Variants in PTPRN2 observed in about 807,000 individuals in gnomAD.
PTPRN2 encodes the protein protein tyrosine phosphatase receptor type N2.
Under a neutral mutation model 118.8 loss-of-function variants are expected in PTPRN2, and 74 were observed. That is an observed-to-expected ratio of 0.62 (90% confidence interval 0.52 to 0.76). The LOEUF (loss-of-function observed/expected upper bound fraction) is 0.76. Ranked by LOEUF, PTPRN2 falls within the 30% of genes least tolerant of loss-of-function variation. PTPRN2 has a pLI of 0.00. For missense variants in PTPRN2, 1,481 were observed against 1,394.4 expected (o/e 1.06, Z -0.99); for synonymous variants, 641 against 608.0 (o/e 1.05, Z -0.80).
At chr7:158,338,156 T>TCAC (rs1806054532) in intron 2 of PTPRN2, among the ~76,000 whole-genome samples, 1 of 18,090 alleles carries the variant, frequency 5.5e-5, no homozygotes, top group African/African-American at 2.5e-4. Context: ...CCCGCAGACG[T>TCAC]TACTCACACC....
chr7:157,911,865 C>T (rs1245145727), intron 11 of PTPRN2, among the ~76,000 whole-genome samples: 2 of 152,116 alleles, frequency 1.3e-5, no homozygotes, highest in African/African-American at 4.8e-5. Context: ...CCGTCTTCTG[C>T]TAACCCTGTG....
chr7:158,246,562 G>A lies in PTPRN2; in HGVS notation c.278-41289C>T, dbSNP rs975430892. ...GTGGGTGGTCATTGTCCTTGTCCAC[G>A]GGATTTTTCAAAGTAGGACAATCTG... On this transcript the variant is annotated intron_variant, in intron 3 of 22. Transcript: ENST00000389418. Among the ~76,000 whole-genome samples the A allele has an allele frequency of 7.3e-5, 11 of 151,348 alleles. 2 individuals are homozygous for A. The highest frequency in any genetic ancestry group is 5.3e-4 in the Admixed American group (8 of 15,194).
At position 157,764,043 on chromosome 7, in the gene PTPRN2, G is replaced by C. The variant is rs558857949; in HGVS notation, c.1789-81106C>G. Among the ~76,000 whole-genome samples the C allele has an allele frequency of 6.6e-6, 1 of 152,298 alleles. No homozygotes were observed. The highest frequency in any genetic ancestry group is 2.4e-5 in the African/African-American group (1 of 41,560). On this transcript the variant is annotated intron_variant, in intron 12 of 22. Transcript: ENST00000389418. This position sits in a 1 kb window ranked among gnomAD's most constrained non-coding sequence, Gnocchi z 4.5. ...GCATGTGGAGGCTAGGAGAGGCCAT[G>C]CACGCACCCTCTAGGATGGCCGTAA... is the stretch of plus-strand genomic sequence containing the variant.
At chr7:158,091,234 G>A (rs1814094359) in intron 10 of PTPRN2, among the ~76,000 whole-genome samples, 1 of 152,188 alleles carries the variant, frequency 6.6e-6, no homozygotes, top group African/African-American at 2.4e-5. Context: ...TAGTTAACAA[G>A]TTTGTAGTCC....
chr7:157,842,433 G>A (rs1416470313), intron 12 of PTPRN2, among the ~76,000 whole-genome samples: 2 of 43,230 alleles, frequency 4.6e-5, no homozygotes, highest in East Asian at 1.2e-3. Flanking sequence ...TTTTTTTTTT[G>A]AGACGGTGTC....
At chr7:158,299,989 G>T (rs1464156905) in intron 3 of PTPRN2, among the ~76,000 whole-genome samples, 1 of 152,212 alleles carries the variant, frequency 6.6e-6, no homozygotes, top group Non-Finnish European at 1.5e-5. Context: ...TGGGGTCAGA[G>T]CAGGCAAAAC....
intron 2 of PTPRN2, among the ~76,000 whole-genome samples, chr7:158,392,400 T>C (rs1811999107): frequency 6.6e-6 from 1 of 152,176 alleles, no homozygotes; most frequent in South Asian, 2.1e-4. Context: ...TGTCCATGCG[T>C]CAGCTCACAC....
At chr7:157,662,100 G>C (rs576560128) in intron 13 of PTPRN2, among the ~76,000 whole-genome samples, 2 of 152,314 alleles carry the variant, frequency 1.3e-5, no homozygotes, top group East Asian at 3.9e-4. Context: ...GCCTGATTTT[G>C]AATCTGGGCT....
intron 12 of PTPRN2, among the ~76,000 whole-genome samples, chr7:157,791,923 T>C (rs548466869): frequency 1.3e-4 from 20 of 152,272 alleles, no homozygotes; most frequent in Middle Eastern, 3.4e-3. Context: ...CCTGAAGATA[T>C]GTACGGAAAA....
At chr7:158,269,132 C>T (rs894929375) in intron 3 of PTPRN2, among the ~76,000 whole-genome samples, 1 of 152,166 alleles carries the variant, frequency 6.6e-6, no homozygotes, top group African/African-American at 2.4e-5. Flanking sequence ...TGCCTCCGGT[C>T]ACCCCCACCT....
intron 1 of PTPRN2, among the ~76,000 whole-genome samples, chr7:158,492,403 A>G (rs999330984): frequency 1.3e-5 from 2 of 152,256 alleles, no homozygotes; most frequent in African/African-American, 4.8e-5. Context: ...GGCACCGGGA[A>G]GAAAGCCCCT....
Position 157,674,844 on chromosome 7 carries a change from G to T in PTPRN2, c.2001+7881C>A, listed in dbSNP as rs536381592. ...TCCCACGCCGAGCTCCTCCTGCCGG[G>T]GGGGTCTGCACAGTTCTGGGTGGGG... On this transcript the variant is annotated intron_variant, in intron 13 of 22. Transcript: ENST00000389418. This position sits in a 1 kb window ranked among gnomAD's most constrained non-coding sequence, Gnocchi z 4.5. Among the ~76,000 whole-genome samples, 3 of 152,236 alleles carry T rather than the reference G, an allele frequency of 2.0e-5. No homozygotes were observed. The highest frequency in any genetic ancestry group is 4.8e-5 in the African/African-American group (2 of 41,468).
intron 21 of PTPRN2, among the ~76,000 whole-genome samples, chr7:157,558,167 T>C (rs943365806): frequency 2.6e-5 from 4 of 151,820 alleles, no homozygotes; most frequent in Middle Eastern, 3.4e-3. Flanking sequence ...CACGTGCACA[T>C]TGGTGCGACG....
At chr7:158,149,032 C>T (rs1186352170) in intron 6 of PTPRN2, among the ~76,000 whole-genome samples, 4 of 134,966 alleles carry the variant, frequency 3.0e-5, no homozygotes, top group South Asian at 2.4e-4. Context: ...CGCCACGTGT[C>T]TTTCCCTCTC....
intron 1 of PTPRN2, among the ~76,000 whole-genome samples, chr7:158,516,444 CA>C (rs1243412998): frequency 6.6e-6 from 1 of 152,244 alleles, no homozygotes; most frequent in Non-Finnish European, 1.5e-5. Context: ...CCCATGCCCT[CA>C]ACTCCCCAGC....
intron 6 of PTPRN2, among the ~76,000 whole-genome samples, chr7:158,161,984 T>C (rs1190703436): frequency 1.3e-5 from 2 of 152,094 alleles, no homozygotes; most frequent in Non-Finnish European, 2.9e-5. Flanking sequence ...CATGTGAAGA[T>C]GCTCTGCTTC....
At chr7:158,422,171 A>G (rs1253104751) in intron 2 of PTPRN2, among the ~76,000 whole-genome samples, 1 of 152,266 alleles carries the variant, frequency 6.6e-6, no homozygotes, top group African/African-American at 2.4e-5. Context: ...TCAGAGATCA[A>G]AAACTGCAAA....
chr7:157,612,061 C>T (rs748146631), intron 15 of PTPRN2, among the ~76,000 whole-genome samples: 5 of 152,330 alleles, frequency 3.3e-5, no homozygotes, highest in African/African-American at 4.8e-5. Flanking sequence ...CCATCCCTGG[C>T]GCTCTGTCCC....
At chr7:158,064,348 T>C (rs1193088203) in intron 11 of PTPRN2, among the ~76,000 whole-genome samples, 1 of 152,046 alleles carries the variant, frequency 6.6e-6, no homozygotes, top group Non-Finnish European at 1.5e-5. Flanking sequence ...CAGGACCTGT[T>C]ACCCAGACGA....
Sources: gnomAD v4.1 joint callset for allele counts (sites outside exome capture counted in the v4.1 genomes callset) on GRCh38, gnomAD v4.1.1 for gene constraint, Gnocchi (gnomAD v3.1) non-coding constraint, MANE v1.5 for transcripts, NCBI Gene and HGNC (gene_info 2026-07-23, HGNC 2026-07-21) for gene names.